Variants in TENM2 observed in about 807,000 individuals in gnomAD.
The protein encoded by TENM2 is teneurin-2.
Under a neutral mutation model 245.2 loss-of-function variants are expected in TENM2, and 52 were observed. The ratio of observed to expected loss-of-function variants is 0.21; its 90% CI spans 0.17 to 0.27. TENM2 has a LOEUF of 0.27. Among genes scored for constraint, TENM2 ranks in the 10% least tolerant of loss-of-function variants. TENM2 has a pLI of 1.00. For synonymous variants in TENM2, 1,363 were observed against 1,438.9 expected (o/e 0.95, Z 1.19); for missense variants, 3,046 against 3,666.8 (o/e 0.83, Z 4.37).
intron 2 of TENM2, among the ~76,000 whole-genome samples, chr5:167,860,068 C>T (rs1435789492): frequency 1.4e-5 from 1 of 71,236 alleles, no homozygotes; most frequent in Non-Finnish European, 3.2e-5. Context: ...GGGGGGGGGT[C>T]AGCCCCCCTG....
At chr5:167,342,105 A>G (rs1244008365) in intron 1 of TENM2, among the ~76,000 whole-genome samples, 1 of 152,210 alleles carries the variant, frequency 6.6e-6, no homozygotes, top group East Asian at 1.9e-4. Flanking sequence ...TAATAAATCA[A>G]TAGTAATACA....
At chr5:167,849,887 C>T (rs569744642) in intron 2 of TENM2, among the ~76,000 whole-genome samples, 1 of 152,252 alleles carries the variant, frequency 6.6e-6, no homozygotes, top group South Asian at 2.1e-4. Context: ...AGTATGCCAC[C>T]CTCCAGGAAC....
intron 3 of TENM2, among the ~76,000 whole-genome samples, chr5:167,945,028 A>G (rs1300684104): frequency 6.6e-6 from 1 of 152,210 alleles, no homozygotes; most frequent in South Asian, 2.1e-4. Context: ...TGATTCCAGC[A>G]ATCAACTAGA....
chr5:167,678,522 G>A (rs1218733312), intron 2 of TENM2, among the ~76,000 whole-genome samples: 1 of 152,092 alleles, frequency 6.6e-6, no homozygotes, highest in Non-Finnish European at 1.5e-5. Context: ...TTCTGTCACA[G>A]CACTTGTTAC....
At chr5:168,164,329 T>C (rs138650981) in intron 13 of TENM2, among the ~76,000 whole-genome samples, 1 of 152,156 alleles carries the variant, frequency 6.6e-6, no homozygotes, top group Non-Finnish European at 1.5e-5. Context: ...AAATTTTGAG[T>C]GTACACTACT....
intron 2 of TENM2, among the ~76,000 whole-genome samples, chr5:167,644,610 A>C (rs1779811379): frequency 6.6e-6 from 1 of 152,240 alleles, no homozygotes; most frequent in African/African-American, 2.4e-5. Flanking sequence ...CTCATGACAT[A>C]GCTTCTACCA....
chr5:167,704,784 T>C (rs1758393367), intron 2 of TENM2, among the ~76,000 whole-genome samples: 1 of 152,110 alleles, frequency 6.6e-6, no homozygotes, highest in Non-Finnish European at 1.5e-5. Flanking sequence ...TAAATTTTTG[T>C]GCATTATCTT....
At chr5:167,191,067 T>C in the TENM2 span, among the ~76,000 whole-genome samples, 1 of 152,040 alleles carries the variant, frequency 6.6e-6, no homozygotes, top group Non-Finnish European at 1.5e-5. Context: ...GGACAATTTG[T>C]TTATCCTTGG....
intron 19 of TENM2, among the ~76,000 whole-genome samples, chr5:168,209,571 T>G (rs1187484231): frequency 6.6e-6 from 1 of 152,144 alleles, no homozygotes; most frequent in Non-Finnish European, 1.5e-5. Flanking sequence ...AAAACAACCC[T>G]GTGGCTACTC....
At chr5:167,300,277 ACTGT>A (rs1163670824) in intron 1 of TENM2, among the ~76,000 whole-genome samples, 1 of 152,124 alleles carries the variant, frequency 6.6e-6, no homozygotes, top group Non-Finnish European at 1.5e-5. Context: ...AGTAAAGGGG[ACTGT>A]CTGTGAAGCC....
At chr5:167,249,801 A>T in the TENM2 span, among the ~76,000 whole-genome samples, 1 of 145,564 alleles carries the variant, frequency 6.9e-6, no homozygotes, top group African/African-American at 2.5e-5. Flanking sequence ...ACTCACTAAG[A>T]TGTAAACATC....
chr5:167,513,190 C>T (rs1446066561), intron 2 of TENM2, among the ~76,000 whole-genome samples: 2 of 152,112 alleles, frequency 1.3e-5, no homozygotes, highest in African/African-American at 4.8e-5. Flanking sequence ...ACTTTGAGCT[C>T]TCTTTTATCT....
At chr5:167,623,495 C>T (rs903620166) in intron 2 of TENM2, among the ~76,000 whole-genome samples, 3 of 152,150 alleles carry the variant, frequency 2.0e-5, no homozygotes, top group African/African-American at 7.2e-5. Flanking sequence ...ATCTTGCTGT[C>T]TGAATGCTAC....
intron 2 of TENM2, among the ~76,000 whole-genome samples, chr5:167,482,053 C>T (rs994380419): frequency 6.6e-6 from 1 of 152,098 alleles, no homozygotes; most frequent in Non-Finnish European, 1.5e-5. Context: ...TGTTTCATCG[C>T]TATAGAGTTA....
chr5:167,248,609 A>G, the TENM2 span, among the ~76,000 whole-genome samples: 1 of 152,164 alleles, frequency 6.6e-6, no homozygotes, highest in African/African-American at 2.4e-5. Flanking sequence ...ATCAGGGTCC[A>G]TAAGTTTGAA....
chr5:167,585,676 T>G (rs1775438226), intron 2 of TENM2, among the ~76,000 whole-genome samples: 1 of 152,088 alleles, frequency 6.6e-6, no homozygotes, highest in Admixed American at 6.6e-5. Flanking sequence ...ATAAACAACC[T>G]TAGAGTCATG....
At chr5:167,409,089 G>A (rs1202269266) in intron 2 of TENM2, among the ~76,000 whole-genome samples, 2 of 151,796 alleles carry the variant, frequency 1.3e-5, no homozygotes, top group East Asian at 3.9e-4. Context: ...AAGTCACTTG[G>A]GAAATATATT....
intron 4 of TENM2, among the ~76,000 whole-genome samples, chr5:167,991,623 A>G (rs1012982980): frequency 5.9e-5 from 9 of 152,220 alleles, no homozygotes; most frequent in Non-Finnish European, 8.8e-5. Context: ...CCTCTTCTAC[A>G]CTGCCTGTTC....
chr5:167,079,142 G>A, the TENM2 span, among the ~76,000 whole-genome samples: 1 of 151,884 alleles, frequency 6.6e-6, no homozygotes, highest in South Asian at 2.1e-4. Context: ...TCATTTTGGG[G>A]TTTCAAATAA....
Sources: allele counts gnomAD v4.1 joint callset (sites outside exome capture counted in the v4.1 genomes callset), GRCh38; gene constraint gnomAD v4.1.1; transcripts MANE v1.5; gene names NCBI Gene and HGNC (gene_info 2026-07-23, HGNC 2026-07-21).